DOCK2: variants seen among roughly 807,000 people sequenced by gnomAD.
The protein encoded by DOCK2 is dedicator of cytokinesis 2.
A neutral mutation model predicts 248.9 loss-of-function variants in DOCK2; 87 were observed. That is an observed-to-expected ratio of 0.35 (90% CI 0.29 to 0.42). The LOEUF (loss-of-function observed/expected upper bound fraction) is 0.42. Ranked by LOEUF, DOCK2 falls within the 10% of genes least tolerant of loss-of-function variation. The pLI, the probability that DOCK2 is intolerant of heterozygous loss-of-function variation, is 1.00. For synonymous variants in DOCK2, 805 were observed against 821.6 expected, an observed-to-expected ratio of 0.98 and a Z score of 0.35; for missense variants, 1,747 against 2,300.2, an observed-to-expected ratio of 0.76 and a Z score of 4.92.
chr5:169,685,422 C>T (rs890777744), intron 8 of DOCK2, among the ~76,000 whole-genome samples: 2 of 152,146 alleles, frequency 1.3e-5, no homozygotes, highest in Non-Finnish European at 2.9e-5. Context: ...TCCTCTCAGG[C>T]GACCACTGCC....
intron 27 of DOCK2, among the ~76,000 whole-genome samples, chr5:169,954,830 C>A (rs1378046804): frequency 1.3e-5 from 2 of 152,216 alleles, no homozygotes; most frequent in Non-Finnish European, 2.9e-5. Context: ...TACAGGTCCA[C>A]CCAGGCTGCA....
intron 26 of DOCK2, among the ~76,000 whole-genome samples, chr5:169,822,526 C>A (rs1483065377): frequency 6.6e-6 from 1 of 152,102 alleles, no homozygotes; most frequent in Admixed American, 6.6e-5. Flanking sequence ...CTACTGGGTA[C>A]GTAATGAAAT....
chr5:169,972,567 AGATAGATAGATAGATAGAT>A (rs1581489764), intron 27 of DOCK2, among the ~76,000 whole-genome samples: 1 of 59,584 alleles, frequency 1.7e-5, no homozygotes, highest in African/African-American at 6.9e-5. Context: ...ATAGATAGAT[AGATAGATAGATAGATAGAT>A]GATAGATAGA....
At position 169,763,794 on chromosome 5, in the gene DOCK2, A is replaced by G. The variant is rs1581156240; in HGVS notation, c.2554+2169A>G. ...TACATACAGAGACTAGAGGTAGACAAAGTATCCTTTGGGGACCCCTTTCAA... is the reference window on the plus strand; with the variant it reads ...TACATACAGAGACTAGAGGTAGACAGAGTATCCTTTGGGGACCCCTTTCAA... On this transcript the variant is annotated intron_variant, in intron 25 of 51. Coordinates refer to ENST00000520908, the MANE Select transcript of DOCK2 (RefSeq NM_004946.3). The surrounding 1 kb of genome is among the most constrained non-coding windows in gnomAD (Gnocchi z 4.1). 6.6e-6 allele frequency among the ~76,000 whole-genome samples: 1 copy of G among 152,358 alleles called. No individual in the cohort carries two copies. The highest frequency in any genetic ancestry group is 1.5e-5 in the Non-Finnish European group (1 of 68,034).
chr5:169,753,963 T>C (rs536068702), intron 23 of DOCK2, among the ~76,000 whole-genome samples: 1 of 152,288 alleles, frequency 6.6e-6, no homozygotes, highest in Admixed American at 6.5e-5. Context: ...TTGAGGGGAA[T>C]AGTACTTGTT....
intron 27 of DOCK2, among the ~76,000 whole-genome samples, chr5:169,920,724 C>T (rs1447775287): frequency 6.6e-6 from 1 of 152,108 alleles, no homozygotes; most frequent in Non-Finnish European, 1.5e-5. Context: ...CGTCTCCCGT[C>T]TCTGCAGATT....
chr5:170,050,108 C>T (rs1002236781), intron 40 of DOCK2, 148 bp from the exon 41 acceptor site: 22 of 1,074,098 alleles, frequency 2.0e-5, no homozygotes, highest in African/African-American at 6.4e-5. Flanking sequence ...GAGTTGAGCC[C>T]TTCCTTTCCC....
chr5:169,669,420 C>T (rs935767847), intron 3 of DOCK2, 92 bp downstream of exon 3: 3 of 1,403,622 alleles, frequency 2.1e-6, no homozygotes, highest in Admixed American at 1.7e-5. Context: ...ACCATTGCTC[C>T]TCAGCAAAGG....
intron 25 of DOCK2, among the ~76,000 whole-genome samples, chr5:169,782,500 G>GTTT (rs369831482): frequency 2.2e-5 from 3 of 137,486 alleles, no homozygotes; most frequent in Non-Finnish European, 4.8e-5. Flanking sequence ...TTCCTCCTTA[G>GTTT]TTTTTTTTTT....
chr5:169,823,378 A>G (rs1478950216), intron 26 of DOCK2, among the ~76,000 whole-genome samples: 2 of 152,084 alleles, frequency 1.3e-5, no homozygotes, highest in Non-Finnish European at 2.9e-5. Flanking sequence ...TCAATAAAAT[A>G]CTGGCAAACT....
intron 37 of DOCK2, 137 bp downstream of exon 37, chr5:170,041,282 T>G (rs1756508239): frequency 1.3e-6 from 1 of 776,534 alleles, no homozygotes; most frequent in Non-Finnish European, 2.1e-6. Context: ...ACTCTTGAGC[T>G]GGCAGGATAC....
At chr5:169,814,668 A>G (rs1767957795) in intron 26 of DOCK2, among the ~76,000 whole-genome samples, 1 of 152,224 alleles carries the variant, frequency 6.6e-6, no homozygotes, top group Non-Finnish European at 1.5e-5. Flanking sequence ...TAGGAATTCA[A>G]CATTATTTCA....
At chr5:169,869,634 T>G (rs1214492651) in intron 27 of DOCK2, among the ~76,000 whole-genome samples, 1 of 152,210 alleles carries the variant, frequency 6.6e-6, no homozygotes, top group Admixed American at 6.5e-5. Flanking sequence ...AGAAGATGCA[T>G]TTCTACTTCT....
Position 169,739,502 on chromosome 5 carries a change from C to T in DOCK2, c.2268-7894C>T, listed in dbSNP as rs1415476729. 2.0e-5 allele frequency among the ~76,000 whole-genome samples: 3 copies of T among 152,094 alleles called. No homozygotes were observed. The East Asian group carries it at 5.8e-4, about 29-fold the overall frequency. ...TTTTTAAAGTTAAATGAAAATTTCA[C>T]TTGTGTTTAAAAATCAGAATATAAA... On this transcript the variant is annotated intron_variant, in intron 22 of 51. Coordinates refer to ENST00000520908, the MANE Select transcript of DOCK2 (RefSeq NM_004946.3).
chr5:169,648,420 G>A (rs938085342), intron 1 of DOCK2, among the ~76,000 whole-genome samples: 6 of 152,136 alleles, frequency 3.9e-5, no homozygotes, highest in African/African-American at 1.4e-4. Context: ...TCGTCTTGTC[G>A]GCTGGGCATG....
At chr5:169,774,815 G>A (rs7735599) in intron 25 of DOCK2, among the ~76,000 whole-genome samples, 66,803 of 151,812 alleles carry the variant, frequency 0.44, 15,525 homozygotes, top group African/African-American at 0.57. Context: ...TTACTTCACA[G>A]AGAAATCTGA....
At chr5:169,940,160 G>A (rs988490648) in intron 27 of DOCK2, among the ~76,000 whole-genome samples, 7 of 152,166 alleles carry the variant, frequency 4.6e-5, no homozygotes, top group Non-Finnish European at 1.0e-4. Context: ...TTCTGTGTGT[G>A]TATTCTACAG....
intron 27 of DOCK2, among the ~76,000 whole-genome samples, chr5:169,901,226 A>G (rs1773904369): frequency 6.6e-6 from 1 of 152,168 alleles, no homozygotes; most frequent in African/African-American, 2.4e-5. Flanking sequence ...CATTGTGCAC[A>G]CTGGCTCTGA....
chr5:169,867,577 ATC>A (rs1449432020), intron 27 of DOCK2, among the ~76,000 whole-genome samples: 3 of 151,982 alleles, frequency 2.0e-5, no homozygotes, highest in East Asian at 1.9e-4. Context: ...TCTATCATCT[ATC>A]TGTCATCTAT....
Sources: gnomAD v4.1 joint callset for allele counts (sites outside exome capture counted in the v4.1 genomes callset) on GRCh38, gnomAD v4.1.1 for gene constraint, Gnocchi (gnomAD v3.1) non-coding constraint, MANE v1.5 for transcripts, NCBI Gene and HGNC (gene_info 2026-07-23, HGNC 2026-07-21) for gene names.